The following OLA1 variants were observed in gnomAD, a reference collection of about 807,000 sequenced individuals.
OLA1 encodes the protein obg-like ATPase 1.
Under a neutral mutation model 48.4 loss-of-function variants are expected in OLA1, and 14 were observed. That is an observed-to-expected ratio of 0.29 (90% CI 0.19 to 0.45). The LOEUF (loss-of-function observed/expected upper bound fraction) is 0.45, where lower values mean the gene tolerates loss of function less well. Ranked by LOEUF, OLA1 falls within the 20% of genes least tolerant of loss-of-function variation. The pLI, the probability that OLA1 is intolerant of heterozygous loss-of-function variation, is 1.00. For synonymous variants in OLA1, 127 were observed against 150.4 expected (o/e 0.84, Z 1.14); for missense variants, 325 against 467.1 (o/e 0.70, Z 2.80).
intron 4 of OLA1, among the ~76,000 whole-genome samples, chr2:174,178,427 G>C (rs970394500): frequency 6.6e-5 from 10 of 151,822 alleles, no homozygotes; most frequent in Non-Finnish European, 1.5e-4. Context: ...CTTCCACAAA[G>C]GAACACTATA....
intron 4 of OLA1, among the ~76,000 whole-genome samples, chr2:174,201,703 T>C (rs1290046727): frequency 6.6e-6 from 1 of 152,168 alleles, no homozygotes; most frequent in African/African-American, 2.4e-5. Flanking sequence ...GATGTAATAA[T>C]AAAGCCTTTA....
At chr2:174,138,233 T>G (rs544702699) in intron 5 of OLA1, among the ~76,000 whole-genome samples, 1 of 152,358 alleles carries the variant, frequency 6.6e-6, no homozygotes, top group Non-Finnish European at 1.5e-5. Context: ...ATGAGAGATG[T>G]GACTCTTCCT....
At chr2:174,198,805 T>C (rs958073164) in intron 4 of OLA1, among the ~76,000 whole-genome samples, 8 of 152,170 alleles carry the variant, frequency 5.3e-5, no homozygotes, top group Non-Finnish European at 1.2e-4. Context: ...TCTATATATA[T>C]ATAGTTTTAC....
chr2:174,236,086 T>C (rs1688841849), intron 2 of OLA1, among the ~76,000 whole-genome samples: 1 of 152,068 alleles, frequency 6.6e-6, no homozygotes, highest in Admixed American at 6.6e-5. Context: ...TCCAACACTC[T>C]TTAAAGGAAA....
At chr2:174,139,840 G>C (rs1344889421) in intron 5 of OLA1, among the ~76,000 whole-genome samples, 1 of 141,986 alleles carries the variant, frequency 7.0e-6, no homozygotes, top group Non-Finnish European at 1.5e-5. Context: ...ACTCCAGCCT[G>C]GGCAACAGAG....
intron 4 of OLA1, among the ~76,000 whole-genome samples, chr2:174,203,442 C>T (rs1312306476): frequency 6.6e-6 from 1 of 151,330 alleles, no homozygotes; most frequent in African/African-American, 2.4e-5. Flanking sequence ...TGCACTCACT[C>T]CTAACTACTG....
chr2:174,090,679 G>T (rs190752533), intron 7 of OLA1, among the ~76,000 whole-genome samples: 1 of 152,316 alleles, frequency 6.6e-6, no homozygotes, highest in African/African-American at 2.4e-5. Context: ...AAGAAGGGAA[G>T]TGGGGAAAGA....
intron 7 of OLA1, among the ~76,000 whole-genome samples, chr2:174,095,945 TAA>T (rs1685244607): frequency 6.6e-6 from 1 of 152,004 alleles, no homozygotes; most frequent in African/African-American, 2.4e-5. Flanking sequence ...AAAAATATAA[TAA>T]TATAGCAATA....
At chr2:174,246,890 C>T in intron 1 of OLA1, 75 bp from the exon 2 acceptor site, 3 of 796,654 alleles carry the variant, frequency 3.8e-6, no homozygotes. Context: ...TCATCACATA[C>T]AATATATTAT....
At chr2:174,182,468 G>A (rs373776390) in intron 4 of OLA1, among the ~76,000 whole-genome samples, 1 of 152,164 alleles carries the variant, frequency 6.6e-6, no homozygotes, top group Non-Finnish European at 1.5e-5. Context: ...GTAGGTTGTG[G>A]TGAGCCGAGA....
chr2:174,234,948 CA>C lies in OLA1; in HGVS notation c.102-5498del, dbSNP rs561494627. 1.6e-3 allele frequency among the ~76,000 whole-genome samples: 249 copies of C among 152,230 alleles called. 2 individuals carry two copies. The highest frequency in any genetic ancestry group is 5.7e-3 in the African/African-American group (235 of 41,542). Reference sequence around the variant, plus strand: ...CAGAGGCGGGCAGATCACTTGAGGTCAGGAGTTTAAGACCAACCTGGTCAGT... The same window carrying C: ...CAGAGGCGGGCAGATCACTTGAGGTCGGAGTTTAAGACCAACCTGGTCAGT... On this transcript the variant is annotated intron_variant, in intron 2 of 10. Transcript: ENST00000284719.
chr2:174,142,986 C>CA lies in OLA1; in HGVS notation c.374-987dup, dbSNP rs576439292. On this transcript the variant is annotated intron_variant, in intron 4 of 10. Coordinates refer to ENST00000284719, the MANE Select transcript of OLA1 (RefSeq NM_013341.5). The stretch of plus-strand genomic sequence containing the variant: ...TATCAATTATTTTAGACAGAGGTAT[C>CA]AAAAAAATCATGAGAGTTTGATTGA... Among the ~76,000 whole-genome samples, 474 of 152,008 alleles carry CA rather than the reference C, an allele frequency of 3.1e-3. 2 individuals carry two copies. Among genetic ancestry groups the CA allele is most frequent in the African/African-American group, 0.011 (454 of 41,482 alleles).
intron 2 of OLA1, among the ~76,000 whole-genome samples, chr2:174,230,452 C>T (rs1688702594): frequency 6.6e-6 from 1 of 152,136 alleles, no homozygotes; most frequent in African/African-American, 2.4e-5. Context: ...AGAATAAAAA[C>T]TTAGAATAGC....
chr2:174,235,824 A>T (rs1185904350), intron 2 of OLA1, among the ~76,000 whole-genome samples: 2 of 152,208 alleles, frequency 1.3e-5, no homozygotes, highest in African/African-American at 2.4e-5. Flanking sequence ...CTACAAGTCC[A>T]GGGAAAGAAC....
chr2:174,093,193 A>C (rs1255112248), intron 7 of OLA1, among the ~76,000 whole-genome samples: 2 of 152,252 alleles, frequency 1.3e-5, no homozygotes, highest in African/African-American at 4.8e-5. Flanking sequence ...TCACGCCTGT[A>C]ATCCCAGCAT....
intron 2 of OLA1, among the ~76,000 whole-genome samples, chr2:174,229,914 G>C (rs1038479980): frequency 1.3e-5 from 2 of 152,156 alleles, no homozygotes; most frequent in African/African-American, 4.8e-5. Flanking sequence ...TATCTGATAG[G>C]AAATGGGAGG....
At chr2:174,155,056 T>C (rs919330246) in intron 4 of OLA1, among the ~76,000 whole-genome samples, 3 of 152,216 alleles carry the variant, frequency 2.0e-5, no homozygotes, top group African/African-American at 7.2e-5. Context: ...ATGCCTTCTC[T>C]AACCATACCC....
In OLA1 at chr2:174,202,929, C is replaced by G. The variant is rs138145088; in HGVS notation, c.373+20104G>C. On this transcript the variant is annotated intron_variant, in intron 4 of 10. Coordinates refer to ENST00000284719, the MANE Select transcript of OLA1 (RefSeq NM_013341.5). Reference sequence around the variant, plus strand: ...AATCTCCCCAGAACTCAGTTACACACAGTTCAACTGAGTGGGAGGTCAGCA... The same window carrying G: ...AATCTCCCCAGAACTCAGTTACACAGAGTTCAACTGAGTGGGAGGTCAGCA... Among the ~76,000 whole-genome samples the G allele has an allele frequency of 5.3e-3, 812 of 152,242 alleles. 10 individuals carry two copies. In the Middle Eastern group the frequency reaches 0.065, roughly 12 times the overall value.
At chr2:174,246,652 T>C (rs1376997099) in intron 2 of OLA1, 63 bp downstream of exon 2, 2 of 1,107,974 alleles carry the variant, frequency 1.8e-6, no homozygotes, top group African/African-American at 3.1e-5. Context: ...CGGTTCCCAT[T>C]TCTACAATAG....
Sources: gnomAD v4.1 joint callset for allele counts (sites outside exome capture counted in the v4.1 genomes callset) on GRCh38, gnomAD v4.1.1 for gene constraint, MANE v1.5 for transcripts, NCBI Gene and HGNC (gene_info 2026-07-23, HGNC 2026-07-21) for gene names.